The following EYS variants were observed in gnomAD, a reference collection of about 807,000 sequenced individuals.
The protein encoded by EYS is EGF-like photoreceptor maintenance factor.
Under a neutral mutation model 282.1 loss-of-function variants are expected in EYS, and 250 were observed. The observed-to-expected ratio is 0.89, with a 90% CI of 0.80 to 0.98. EYS has a LOEUF of 0.98. EYS is among the 50% of genes least tolerant of loss of function. The pLI is 0.00. For missense variants in EYS, 4,016 were observed against 3,709.0 expected (o/e 1.08, Z -2.15); for synonymous variants, 1,355 against 1,282.9 (o/e 1.06, Z -1.20).
rs547936698 is a variant in EYS at position 65,252,302 on chromosome 6, G to C, written c.2023+43561C>G. 3.3e-5 allele frequency among the ~76,000 whole-genome samples: 5 copies of C among 151,940 alleles called. No homozygotes were observed. In the South Asian group the frequency reaches 1.0e-3, roughly 32 times the overall value. On this transcript the variant is annotated intron_variant, in intron 12 of 42. Transcript: ENST00000503581. ...ATCTGATTTTATTCAGCATACCAAA[G>C]ACAAAGAAAATATAGTAATAGACCA...
At position 65,298,468 on chromosome 6, in the gene EYS, A is replaced by C. The variant is rs891405729; in HGVS notation, c.1767-2349T>G. 7.9e-4 allele frequency among the ~76,000 whole-genome samples: 120 copies of C among 152,030 alleles called. 1 individual carries two copies. Among genetic ancestry groups the C allele is most frequent in the African/African-American group, 2.7e-3 (114 of 41,546 alleles). ...GGTAATTGACCTATTTTTATATTTC[A>C]TTATATTTCATGTATTTTTATATTG... On this transcript the variant is annotated intron_variant, in intron 11 of 42. Coordinates refer to ENST00000503581, the MANE Select transcript of EYS (RefSeq NM_001142800.2).
intron 22 of EYS, among the ~76,000 whole-genome samples, chr6:64,641,432 A>C (rs1053423563): frequency 2.0e-5 from 3 of 152,200 alleles, no homozygotes; most frequent in Admixed American, 2.0e-4. Flanking sequence ...TATCATGCTT[A>C]TAATAGTTTG....
At chr6:65,601,386 C>A (rs1765611719) in intron 2 of EYS, among the ~76,000 whole-genome samples, 1 of 151,812 alleles carries the variant, frequency 6.6e-6, no homozygotes, top group Non-Finnish European at 1.5e-5. Context: ...TATCAGTCCC[C>A]ATACAATTGT....
chr6:64,822,709 C>G lies in EYS; in HGVS notation c.3106G>C (p.Gly1036Arg). ...YTCDCKSGFF[G>R]THCETNANDC... ...TTGGCGTTTGTTTCACAGTGTGTTC[C>G]AAAAAACCCACTCTTGCAGTCACAG... The change falls in exon 20 of 43, where the codon GGA becomes CGA. Residue 1036 changes from glycine (G) to arginine (R), a missense_variant. Gly to Arg is a moderately radical substitution (Grantham distance 125). Coordinates refer to ENST00000503581, the MANE Select transcript of EYS (RefSeq NM_001142800.2). 1 of 1,548,248 alleles carries G rather than the reference C, an allele frequency of 6.5e-7. No individual in the cohort carries two copies. The highest frequency in any genetic ancestry group is 8.7e-7 in the Non-Finnish European group (1 of 1,145,484).
At chr6:64,628,504 C>T (rs1767680990) in intron 22 of EYS, among the ~76,000 whole-genome samples, 1 of 152,084 alleles carries the variant, frequency 6.6e-6, no homozygotes. Context: ...TAATATAAAA[C>T]TCAAAGTAAT....
At chr6:63,769,581 T>A (rs997813921) in intron 40 of EYS, among the ~76,000 whole-genome samples, 14 of 152,102 alleles carry the variant, frequency 9.2e-5, no homozygotes, top group African/African-American at 3.4e-4. Context: ...GAGAATAAAA[T>A]GTTAAACACT....
rs184520965 is a variant in EYS at position 64,257,546 on chromosome 6, A to C, written c.6192-26722T>G. Among the ~76,000 whole-genome samples, 6 of 152,130 alleles carry C rather than the reference A, an allele frequency of 3.9e-5. No homozygotes were observed. The East Asian group carries it at 1.2e-3, about 29-fold the overall frequency. ...TATCTGTTTCTCTTTCTTAACTATAAATATAAAGGCAGGGCCTATGACTTT... is the reference window on the plus strand; with the variant it reads ...TATCTGTTTCTCTTTCTTAACTATACATATAAAGGCAGGGCCTATGACTTT... On this transcript the variant is annotated intron_variant, in intron 30 of 42. Transcript: ENST00000503581.
At chr6:63,979,274 A>C (rs931429624) in intron 35 of EYS, among the ~76,000 whole-genome samples, 1 of 151,938 alleles carries the variant, frequency 6.6e-6, no homozygotes, top group Admixed American at 6.6e-5. Flanking sequence ...AAGTTATTGC[A>C]ATACAAAGGC....
intron 26 of EYS, among the ~76,000 whole-genome samples, chr6:64,558,435 C>T (rs557303002): frequency 4.6e-5 from 7 of 152,166 alleles, no homozygotes; most frequent in African/African-American, 1.4e-4. Context: ...GGACGGACCA[C>T]ACAACCAAGA....
At chr6:64,432,913 TA>T (rs1188286542) in intron 28 of EYS, among the ~76,000 whole-genome samples, 1 of 152,090 alleles carries the variant, frequency 6.6e-6, no homozygotes, top group Non-Finnish European at 1.5e-5. Flanking sequence ...AATTTCTCAC[TA>T]AAATAATTTT....
At chr6:64,527,797 C>T (rs1777971765) in intron 26 of EYS, among the ~76,000 whole-genome samples, 1 of 151,492 alleles carries the variant, frequency 6.6e-6, no homozygotes. Context: ...TGTTATACAA[C>T]ATTTTACCTA....
intron 33 of EYS, among the ~76,000 whole-genome samples, chr6:64,034,085 G>T (rs973865261): frequency 6.6e-6 from 1 of 152,150 alleles, no homozygotes; most frequent in African/African-American, 2.4e-5. Context: ...TGCCTGTATT[G>T]GGTAATGGTC....
At position 65,490,843 on chromosome 6, in the gene EYS, A is replaced by T. The variant is rs1766016556; in HGVS notation, c.749-136T>A. On this transcript the variant is annotated intron_variant, in intron 4 of 42. Coordinates refer to ENST00000503581, the MANE Select transcript of EYS (RefSeq NM_001142800.2). ...AGTTATGAAACCATGTTATACGATG[A>T]TGCATTTAAATTGAAATAAAAATTA... is the stretch of plus-strand genomic sequence containing the variant. 5 of 625,506 alleles carry T rather than the reference A, an allele frequency of 8.0e-6. No individual in the cohort carries two copies. In the East Asian group the frequency reaches 1.4e-4, roughly 18 times the overall value. 38.7% of individuals were successfully genotyped at this position (625,506 alleles called of 1,614,324 possible).
intron 26 of EYS, among the ~76,000 whole-genome samples, chr6:64,505,109 G>T (rs568168363): frequency 6.6e-6 from 1 of 152,176 alleles, no homozygotes; most frequent in Non-Finnish European, 1.5e-5. Context: ...TTATGAGGCT[G>T]CAAGAGTCTA....
At chr6:65,188,328 G>C (rs1765560928) in intron 12 of EYS, among the ~76,000 whole-genome samples, 1 of 151,544 alleles carries the variant, frequency 6.6e-6, no homozygotes, top group South Asian at 2.1e-4. Context: ...AATCTTAAAT[G>C]CATAAAATAC....
intron 8 of EYS, among the ~76,000 whole-genome samples, chr6:65,383,440 T>C (rs1391901880): frequency 1.3e-5 from 2 of 151,966 alleles, no homozygotes; most frequent in Admixed American, 1.3e-4. Flanking sequence ...AATTTTGCCA[T>C]ATTTAACTTC....
chr6:64,811,278 G>C (rs1434455993), intron 22 of EYS, among the ~76,000 whole-genome samples: 1 of 152,014 alleles, frequency 6.6e-6, no homozygotes, highest in Non-Finnish European at 1.5e-5. Flanking sequence ...AATCAGCAAT[G>C]ATAATTTTGG....
chr6:65,421,760 T>C (rs1471616579), intron 5 of EYS, among the ~76,000 whole-genome samples: 1 of 151,858 alleles, frequency 6.6e-6, no homozygotes, highest in Non-Finnish European at 1.5e-5. Context: ...AATTTCAATA[T>C]TGTTGTGTTT....
intron 29 of EYS, among the ~76,000 whole-genome samples, chr6:64,311,875 G>T (rs570634498): frequency 6.6e-6 from 1 of 152,060 alleles, no homozygotes; most frequent in Non-Finnish European, 1.5e-5. Context: ...CTTCACAACC[G>T]GCAGACCAGG....
Sources: gnomAD v4.1 joint callset for allele counts (sites outside exome capture counted in the v4.1 genomes callset) on GRCh38, gnomAD v4.1.1 for gene constraint, MANE v1.5 for transcripts, NCBI Gene and HGNC (gene_info 2026-07-23, HGNC 2026-07-21) for gene names.